Variants in XYLT1 observed in about 807,000 individuals in gnomAD.
XYLT1 encodes the protein beta-D-xylosyltransferase 1.
Under a neutral mutation model 91.3 loss-of-function variants are expected in XYLT1, and 36 were observed. That is an observed-to-expected ratio of 0.39 (90% CI 0.30 to 0.52). The LOEUF is 0.52. XYLT1 is among the 20% of genes least tolerant of loss of function. XYLT1 has a pLI of 0.68. For missense variants in XYLT1, 1,242 were observed against 1,284.5 expected (o/e 0.97, Z 0.51); for synonymous variants, 588 against 532.0 (o/e 1.11, Z -1.45).
intron 9 of XYLT1, among the ~76,000 whole-genome samples, chr16:17,128,437 G>T (rs551107840): frequency 5.3e-5 from 8 of 152,206 alleles, no homozygotes; most frequent in African/African-American, 1.9e-4. Context: ...CTCTAGCATT[G>T]GATGATAACT....
At chr16:17,112,144 T>C (rs985608862) in intron 11 of XYLT1, among the ~76,000 whole-genome samples, 1 of 152,192 alleles carries the variant, frequency 6.6e-6, no homozygotes, top group Non-Finnish European at 1.5e-5. Context: ...TTATGAGAAA[T>C]GAGGTTAATG....
In XYLT1 at chr16:17,108,730, G is replaced by C. The variant is rs752370549; in HGVS notation, c.2845C>G (p.Leu949Val). Residue 949 changes from leucine (L) to valine (V), a missense_variant, in exon 12 of 12, where the codon CTG becomes GTG. Transcript: ENST00000261381. ...SSFSPDPKSE[L>V]GAVKPDGRLR The stretch of plus-strand genomic sequence containing the variant: ...CGGCCATCAGGTTTGACTGCCCCCA[G>C]CTCCGACTTGGGGTCAGGGCTGAAG... The C allele has an allele frequency of 1.9e-6, 3 of 1,596,712 alleles. No homozygotes were observed. Among genetic ancestry groups the C allele is most frequent in the East Asian group, 4.5e-5 (2 of 44,636 alleles).
At chr16:17,362,821 G>C (rs1176733111) in intron 1 of XYLT1, among the ~76,000 whole-genome samples, 1 of 152,212 alleles carries the variant, frequency 6.6e-6, no homozygotes, top group Non-Finnish European at 1.5e-5. Context: ...AATGACATTG[G>C]TGTAGAGATA....
intron 3 of XYLT1, among the ~76,000 whole-genome samples, chr16:17,223,715 A>C (rs2033013383): frequency 6.6e-6 from 1 of 152,182 alleles, no homozygotes; most frequent in African/African-American, 2.4e-5. Context: ...GCAGAGGATG[A>C]AGACATCAAC....
At chr16:17,241,422 A>G (rs1208012284) in intron 3 of XYLT1, among the ~76,000 whole-genome samples, 1 of 152,258 alleles carries the variant, frequency 6.6e-6, no homozygotes, top group Non-Finnish European at 1.5e-5. Flanking sequence ...TCAGGAGTAG[A>G]GACTACAGTT....
At chr16:17,226,099 T>C (rs2033061328) in intron 3 of XYLT1, among the ~76,000 whole-genome samples, 1 of 152,156 alleles carries the variant, frequency 6.6e-6, no homozygotes, top group Non-Finnish European at 1.5e-5. Flanking sequence ...CTATTATCCT[T>C]GGAGGCTGTT....
At chr16:17,114,793 T>TTGTGTTA (rs1249763085) in intron 11 of XYLT1, among the ~76,000 whole-genome samples, 1 of 152,016 alleles carries the variant, frequency 6.6e-6, no homozygotes, top group Admixed American at 6.6e-5. Context: ...TTCTACGAGT[T>TTGTGTTA]TGTGTTATGG....
At chr16:17,229,448 C>G (rs1343329880) in intron 3 of XYLT1, among the ~76,000 whole-genome samples, 1 of 152,190 alleles carries the variant, frequency 6.6e-6, no homozygotes, top group Non-Finnish European at 1.5e-5. Context: ...CACGAGGAAA[C>G]TAGAGAGTAT....
At position 17,312,916 on chromosome 16, in the gene XYLT1, T is replaced by C. The variant is rs2034571442; in HGVS notation, c.402+45096A>G. ...GGTACTCATATTTGAAAAGGACTTC[T>C]AGGTGTCAAATGTAGGTTCCAGACC... On this transcript the variant is annotated intron_variant, in intron 2 of 11. Coordinates refer to ENST00000261381, the MANE Select transcript of XYLT1 (RefSeq NM_022166.4). The surrounding 1 kb of genome is among the most constrained non-coding windows in gnomAD (Gnocchi z 4.4). 6.6e-6 allele frequency among the ~76,000 whole-genome samples: 1 copy of C among 152,226 alleles called. No homozygotes were observed. The highest frequency in any genetic ancestry group is 1.5e-5 in the Non-Finnish European group (1 of 68,040).
At chr16:17,153,545 G>A (rs902135985) in intron 6 of XYLT1, among the ~76,000 whole-genome samples, 1 of 152,230 alleles carries the variant, frequency 6.6e-6, no homozygotes, top group Non-Finnish European at 1.5e-5. Flanking sequence ...CTCCCAGGAT[G>A]CTGGGATTAC....
intron 2 of XYLT1, among the ~76,000 whole-genome samples, chr16:17,327,166 T>C (rs557391278): frequency 3.3e-5 from 5 of 152,334 alleles, no homozygotes; most frequent in East Asian, 1.9e-4. Flanking sequence ...TCATCACACC[T>C]TGAACACATT....
At chr16:17,271,769 G>A (rs1273904496) in intron 2 of XYLT1, among the ~76,000 whole-genome samples, 1 of 152,068 alleles carries the variant, frequency 6.6e-6, no homozygotes, top group Non-Finnish European at 1.5e-5. Flanking sequence ...GACCCCTGCT[G>A]GGAACCAGGG....
intron 5 of XYLT1, chr16:17,193,945 A>G (rs1239941637): frequency 6.6e-6 from 1 of 152,302 alleles, no homozygotes; most frequent in Non-Finnish European, 1.5e-5. Context: ...CACCATGGAA[A>G]TGAGATCAGT....
intron 1 of XYLT1, among the ~76,000 whole-genome samples, chr16:17,366,904 T>C (rs910348683): frequency 1.3e-5 from 2 of 152,118 alleles, no homozygotes; most frequent in African/African-American, 2.4e-5. Context: ...CAACCACATC[T>C]TGAACTGGAA....
chr16:17,340,241 C>A (rs2035047045), intron 2 of XYLT1, among the ~76,000 whole-genome samples: 1 of 152,232 alleles, frequency 6.6e-6, no homozygotes, highest in African/African-American at 2.4e-5. Context: ...TCCAGTTCTG[C>A]AGCTCAACTG....
chr16:17,259,999 G>A (rs999469826), intron 2 of XYLT1, among the ~76,000 whole-genome samples: 22 of 151,016 alleles, frequency 1.5e-4, no homozygotes, highest in South Asian at 8.4e-4. Context: ...AGACTGAGCC[G>A]TTGTAAATTC....
At chr16:17,457,539 T>C (rs183804791) in intron 1 of XYLT1, among the ~76,000 whole-genome samples, 246 of 152,366 alleles carry the variant, frequency 1.6e-3, no homozygotes, top group African/African-American at 5.6e-3. Flanking sequence ...AGGAGACGTT[T>C]AGCTTAACAT....
chr16:17,324,475 G>T (rs897664699), intron 2 of XYLT1, among the ~76,000 whole-genome samples: 11 of 152,098 alleles, frequency 7.2e-5, no homozygotes, highest in Non-Finnish European at 4.4e-5. Context: ...CTACTGCAGG[G>T]TGCTAATTTT....
At chr16:17,319,763 A>T (rs1227948446) in intron 2 of XYLT1, among the ~76,000 whole-genome samples, 1 of 152,174 alleles carries the variant, frequency 6.6e-6, no homozygotes, top group Non-Finnish European at 1.5e-5. Context: ...ATATCAAGAT[A>T]CCAAGCCTGA....
Sources: gnomAD v4.1 joint callset for allele counts (sites outside exome capture counted in the v4.1 genomes callset) on GRCh38, gnomAD v4.1.1 for gene constraint, Gnocchi (gnomAD v3.1) non-coding constraint, MANE v1.5 for transcripts, NCBI Gene and HGNC (gene_info 2026-07-23, HGNC 2026-07-21) for gene names.